Variants in RALGPS1 observed in about 807,000 individuals in gnomAD.
The protein encoded by RALGPS1 is Ral GEF with PH domain and SH3 binding motif 1.
RALGPS1 carries 19 observed loss-of-function variants against 78.8 expected under a neutral mutation model. That is an observed-to-expected ratio of 0.24 (90% CI 0.17 to 0.35). The LOEUF (loss-of-function observed/expected upper bound fraction) is 0.35. RALGPS1 is among the 10% of genes least tolerant of loss of function. The probability of loss-of-function intolerance (pLI) is 1.00; values close to 1 mark genes in which losing one functional copy is unlikely to be tolerated. For synonymous variants in RALGPS1, 228 were observed against 256.3 expected (o/e 0.89, Z 1.06); for missense variants, 454 against 688.3 (o/e 0.66, Z 3.81).
intron 8 of RALGPS1, among the ~76,000 whole-genome samples, chr9:127,138,728 T>G (rs898007433): frequency 6.6e-6 from 1 of 152,048 alleles, no homozygotes; most frequent in African/African-American, 2.4e-5. Flanking sequence ...TGTCCCCGAG[T>G]CTCAGTGCCC....
At position 127,108,580 on chromosome 9, in the gene RALGPS1, T is replaced by A. The variant is rs775240432; in HGVS notation, c.610+39224T>A. The stretch of plus-strand genomic sequence containing the variant: ...AATGAAGGTGTAGGTGCACTTGTCC[T>A]GGGACTCGCCCGCCCGCTTGTACCT... On this transcript the variant is annotated intron_variant, in intron 8 of 18. Transcript: ENST00000259351. 3 of 1,613,480 alleles carry A rather than the reference T, an allele frequency of 1.9e-6. No homozygotes were observed. Among genetic ancestry groups the A allele is most frequent in the Non-Finnish European group, 2.5e-6 (3 of 1,179,874 alleles).
At chr9:127,041,031 T>TGTGTGTGTGTGTG (rs71493874) in intron 5 of RALGPS1, among the ~76,000 whole-genome samples, 2 of 135,718 alleles carry the variant, frequency 1.5e-5, no homozygotes, top group African/African-American at 2.7e-5. Flanking sequence ...CTACAAACAT[T>TGTGTGTGTGTGTG]TGTGTGTGTG....
At chr9:127,062,437 A>C (rs1396888216) in intron 7 of RALGPS1, among the ~76,000 whole-genome samples, 1 of 152,208 alleles carries the variant, frequency 6.6e-6, no homozygotes, top group African/African-American at 2.4e-5. Flanking sequence ...TGACTCATAC[A>C]AATATAAGAT....
In RALGPS1 at chr9:126,937,235, A is replaced by G. The variant is rs186696383; in HGVS notation, c.-66+22260A>G. Among the ~76,000 whole-genome samples the G allele has an allele frequency of 2.6e-5, 4 of 152,298 alleles. No homozygotes were observed. The South Asian group carries it at 6.2e-4, about 24-fold the overall frequency. On this transcript the variant is annotated intron_variant, in intron 1 of 18. Coordinates refer to ENST00000259351, the MANE Select transcript of RALGPS1 (RefSeq NM_014636.3). ...CTATTATTAAATTATGAAGAGTTCTAAAAATAAAGGAGATCTGTTGTAAGG... is the reference window on the plus strand; with the variant it reads ...CTATTATTAAATTATGAAGAGTTCTGAAAATAAAGGAGATCTGTTGTAAGG...
At chr9:126,929,154 T>G (rs922705880) in intron 1 of RALGPS1, among the ~76,000 whole-genome samples, 6 of 152,162 alleles carry the variant, frequency 3.9e-5, no homozygotes, top group Non-Finnish European at 5.9e-5. Context: ...ACCTGTATAA[T>G]AAATGTTTGA....
Position 127,070,369 on chromosome 9 carries a change from C to T in RALGPS1, c.610+1013C>T, listed in dbSNP as rs115341915. Among the ~76,000 whole-genome samples the T allele has an allele frequency of 6.6e-3, 1,003 of 152,240 alleles. 13 individuals carry two copies. The highest frequency in any genetic ancestry group is 0.023 in the African/African-American group (958 of 41,536). Reference sequence around the variant, plus strand: ...TTTGCTATTAAAATGTCTCAATGAACGTCCTTATTGCAAAAACTTTCTACA... The same window carrying T: ...TTTGCTATTAAAATGTCTCAATGAATGTCCTTATTGCAAAAACTTTCTACA... On this transcript the variant is annotated intron_variant, in intron 8 of 18. Transcript: ENST00000259351.
intron 7 of RALGPS1, among the ~76,000 whole-genome samples, chr9:127,055,812 G>A (rs995032572): frequency 1.3e-5 from 2 of 152,258 alleles, no homozygotes; most frequent in Admixed American, 1.3e-4. Flanking sequence ...TTTCCCTTTT[G>A]TAACATAAGT....
intron 8 of RALGPS1, among the ~76,000 whole-genome samples, chr9:127,097,101 C>T (rs1199325993): frequency 6.6e-6 from 1 of 152,204 alleles, no homozygotes; most frequent in African/African-American, 2.4e-5. Context: ...TTAATCTTTG[C>T]CAGTCAGCCA....
chr9:127,061,126 T>C (rs2049179503), intron 7 of RALGPS1, among the ~76,000 whole-genome samples: 1 of 152,172 alleles, frequency 6.6e-6, no homozygotes, highest in Admixed American at 6.5e-5. Flanking sequence ...TGCAGAGTGC[T>C]GAGGACATAA....
intron 1 of RALGPS1, among the ~76,000 whole-genome samples, chr9:126,954,113 C>T (rs1346909725): frequency 6.6e-6 from 1 of 152,160 alleles, no homozygotes; most frequent in African/African-American, 2.4e-5. Context: ...TCTTTGACCC[C>T]CAAAGGCATT....
intron 14 of RALGPS1, among the ~76,000 whole-genome samples, chr9:127,200,712 G>T (rs2061587672): frequency 6.6e-6 from 1 of 152,262 alleles, no homozygotes; most frequent in Non-Finnish European, 1.5e-5. Flanking sequence ...CACCCCGGCA[G>T]TGGGGAGGAG....
intron 8 of RALGPS1, among the ~76,000 whole-genome samples, chr9:127,165,578 T>G (rs1173266755): frequency 2.0e-5 from 3 of 152,250 alleles, no homozygotes; most frequent in Non-Finnish European, 2.9e-5. Context: ...GAGCTGTTGC[T>G]TTTTTAATTT....
Position 127,222,088 on chromosome 9 carries a change from A to T in RALGPS1, c.*3319A>T, listed in dbSNP as rs2131090279. 1 of 152,334 alleles carries T rather than the reference A, an allele frequency of 6.6e-6. No individual in the cohort carries two copies. The highest frequency in any genetic ancestry group is 1.9e-4 in the East Asian group (1 of 5,192). 9.4% of individuals were successfully genotyped at this position (152,334 alleles called of 1,614,324 possible). ...ATTCTCTGCACAAAACCACCCATTC[A>T]TTCATTTATTCATTCACAGCACTAG... On this transcript the variant is annotated 3_prime_UTR_variant, in exon 19 of 19. Transcript: ENST00000259351.
At chr9:127,155,813 T>A (rs2058677405) in intron 8 of RALGPS1, among the ~76,000 whole-genome samples, 1 of 152,086 alleles carries the variant, frequency 6.6e-6, no homozygotes, top group Admixed American at 6.5e-5. Context: ...GCTCGGAAAT[T>A]CTTGTGCTTC....
chr9:127,209,442 G>T (rs759264343), intron 14 of RALGPS1, among the ~76,000 whole-genome samples: 8 of 152,204 alleles, frequency 5.3e-5, no homozygotes, highest in African/African-American at 1.9e-4. Flanking sequence ...TGGCCATTGG[G>T]CCAGTGGCCT....
intron 4 of RALGPS1, among the ~76,000 whole-genome samples, chr9:126,990,767 TG>T (rs1427112865): frequency 6.6e-6 from 1 of 152,228 alleles, no homozygotes; most frequent in Non-Finnish European, 1.5e-5. Flanking sequence ...GTTTGAATTA[TG>T]AGTTCAAAGT....
At chr9:127,024,989 A>G (rs186560082) in intron 4 of RALGPS1, among the ~76,000 whole-genome samples, 1 of 152,342 alleles carries the variant, frequency 6.6e-6, no homozygotes, top group East Asian at 1.9e-4. Context: ...ATTGTGAAGA[A>G]TGAGTGTTCT....
At chr9:127,149,463 G>T (rs894906094) in intron 8 of RALGPS1, among the ~76,000 whole-genome samples, 3 of 152,256 alleles carry the variant, frequency 2.0e-5, no homozygotes, top group African/African-American at 4.8e-5. Context: ...GGTTTGATGG[G>T]CTATGAATCA....
intron 8 of RALGPS1, among the ~76,000 whole-genome samples, chr9:127,089,786 A>G (rs775938891): frequency 6.6e-6 from 1 of 152,274 alleles, no homozygotes; most frequent in Non-Finnish European, 1.5e-5. Context: ...TCAGAACAAC[A>G]GTAAAAACTG....
Sources: allele counts gnomAD v4.1 joint callset (sites outside exome capture counted in the v4.1 genomes callset), GRCh38; gene constraint gnomAD v4.1.1; transcripts MANE v1.5; gene names NCBI Gene and HGNC (gene_info 2026-07-23, HGNC 2026-07-21).